Variants in RALB observed in about 807,000 individuals in gnomAD.
RALB encodes the protein ras-related protein Ral-B.
A neutral mutation model predicts 21.3 loss-of-function variants in RALB; 16 were observed. The observed-to-expected ratio is 0.75, with a 90% confidence interval of 0.51 to 1.14. The LOEUF (loss-of-function observed/expected upper bound fraction) is 1.14, where lower values mean the gene tolerates loss of function less well. Among genes scored for constraint, RALB ranks in the 50% most tolerant of loss-of-function variants. The probability of loss-of-function intolerance (pLI) is 0.00; values close to 1 mark genes in which losing one functional copy is unlikely to be tolerated. For missense variants in RALB, 161 were observed against 256.2 expected (o/e 0.63, Z 2.54); for synonymous variants, 93 against 96.1 (o/e 0.97, Z 0.19).
At chr2:120,273,561 A>G (rs1210492794) in intron 1 of RALB, among the ~76,000 whole-genome samples, 1 of 152,210 alleles carries the variant, frequency 6.6e-6, no homozygotes, top group East Asian at 1.9e-4. Context: ...CTAGTTTTAT[A>G]AAGGCCGTTT....
intron 2 of RALB, 32 bp from the exon 3 acceptor site, chr2:120,285,842 T>C (rs1690119684): frequency 6.3e-7 from 1 of 1,588,230 alleles, no homozygotes; most frequent in African/African-American, 1.3e-5. Flanking sequence ...CCTTAAGACT[T>C]TGTTAATTAC....
At chr2:120,280,053 G>T (rs1027115373) in intron 2 of RALB, among the ~76,000 whole-genome samples, 1 of 152,200 alleles carries the variant, frequency 6.6e-6, no homozygotes, top group African/African-American at 2.4e-5. Context: ...GTGATGTGAG[G>T]TGCAGGGCCA....
At chr2:120,291,872 G>C (rs1018874923) in intron 4 of RALB, among the ~76,000 whole-genome samples, 22 of 152,056 alleles carry the variant, frequency 1.4e-4, no homozygotes, top group African/African-American at 5.3e-4. Context: ...AATGCATGTG[G>C]AGCCCCACAC....
intron 1 of RALB, among the ~76,000 whole-genome samples, chr2:120,272,107 T>C (rs1007313566): frequency 7.2e-5 from 11 of 152,136 alleles, no homozygotes; most frequent in African/African-American, 2.7e-4. Context: ...ACCAGCATGG[T>C]TGGGTTCTGG....
chr2:120,269,980 C>T (rs1423833233), intron 1 of RALB, among the ~76,000 whole-genome samples: 2 of 152,050 alleles, frequency 1.3e-5, no homozygotes, highest in African/African-American at 4.8e-5. Context: ...TTTACATTTC[C>T]TTGACTACTA....
At chr2:120,285,833 C>T in intron 2 of RALB, 41 bp from the exon 3 acceptor site, 1 of 1,575,810 alleles carries the variant, frequency 6.3e-7, no homozygotes, top group Non-Finnish European at 8.7e-7. Flanking sequence ...TTTTGTTCCC[C>T]TTAAGACTTT....
chr2:120,285,187 A>T (rs546614357), intron 2 of RALB, among the ~76,000 whole-genome samples: 2 of 152,266 alleles, frequency 1.3e-5, no homozygotes, highest in Admixed American at 1.3e-4. Flanking sequence ...AGAAGTGCAG[A>T]GCGAAGTGGG....
chr2:120,278,171 G>A (rs570189349), intron 1 of RALB, among the ~76,000 whole-genome samples: 1 of 152,214 alleles, frequency 6.6e-6, no homozygotes, highest in African/African-American at 2.4e-5. Flanking sequence ...TGTGCGTGTT[G>A]TGGGGTAGAG....
intron 1 of RALB, among the ~76,000 whole-genome samples, chr2:120,275,812 A>G (rs1041466050): frequency 2.0e-5 from 3 of 152,198 alleles, no homozygotes; most frequent in Admixed American, 1.3e-4. Flanking sequence ...GAAATCAAGG[A>G]TGCAGACACA....
intron 1 of RALB, among the ~76,000 whole-genome samples, chr2:120,243,698 G>C (rs1688927123): frequency 6.6e-6 from 1 of 152,202 alleles, no homozygotes; most frequent in Non-Finnish European, 1.5e-5. Context: ...GGGTAGGGTT[G>C]TCAGATTTTG....
intron 4 of RALB, among the ~76,000 whole-genome samples, chr2:120,292,035 A>G (rs1690317224): frequency 6.6e-6 from 1 of 152,230 alleles, no homozygotes; most frequent in South Asian, 2.1e-4. Flanking sequence ...GTCTCTTCGT[A>G]GGATTCATAT....
chr2:120,258,017 C>T (rs756371322), intron 1 of RALB, among the ~76,000 whole-genome samples: 1 of 152,190 alleles, frequency 6.6e-6, no homozygotes, highest in Non-Finnish European at 1.5e-5. Flanking sequence ...TTGTTGTCTC[C>T]TTAGTCCCCA....
intron 1 of RALB, among the ~76,000 whole-genome samples, chr2:120,260,673 G>A (rs1191584746): frequency 6.6e-6 from 1 of 152,260 alleles, no homozygotes; most frequent in East Asian, 1.9e-4. Context: ...AATGTGGGCT[G>A]TGGAAGCCAG....
At chr2:120,262,461 T>C (rs1448586387) in intron 1 of RALB, among the ~76,000 whole-genome samples, 1 of 152,110 alleles carries the variant, frequency 6.6e-6, no homozygotes, top group East Asian at 1.9e-4. Flanking sequence ...ACCAGGTGGG[T>C]TAGCCATTTC....
At chr2:120,261,443 T>C (rs1689363430) in intron 1 of RALB, among the ~76,000 whole-genome samples, 1 of 152,094 alleles carries the variant, frequency 6.6e-6, no homozygotes, top group Admixed American at 6.5e-5. Context: ...GTTTGATGGC[T>C]TGGTGTTCTC....
chr2:120,243,171 G>A (rs1022240880), intron 1 of RALB, among the ~76,000 whole-genome samples: 1 of 152,326 alleles, frequency 6.6e-6, no homozygotes, highest in South Asian at 2.1e-4. Flanking sequence ...TTGGCACTCC[G>A]TCTGCCAGGG....
At chr2:120,277,728 AGT>A (rs1023012397) in intron 1 of RALB, among the ~76,000 whole-genome samples, 10 of 151,040 alleles carry the variant, frequency 6.6e-5, no homozygotes, top group South Asian at 2.1e-4. Context: ...CGTGTGTGAT[AGT>A]GTGTGAGCTT....
upstream of RALB, among the ~76,000 whole-genome samples, chr2:120,251,332 A>G (rs1348709360): frequency 6.6e-6 from 1 of 152,136 alleles, no homozygotes; most frequent in Non-Finnish European, 1.5e-5. Context: ...CACACACTTG[A>G]CTGTACATCG....
chr2:120,253,527 C>CTA, intron 1 of RALB: 1 of 985,586 alleles, frequency 1.0e-6, no homozygotes, highest in Non-Finnish European at 1.2e-6. Context: ...TGATAGGGGC[C>CTA]AGCGGCGAAG....
Sources: allele counts gnomAD v4.1 joint callset (sites outside exome capture counted in the v4.1 genomes callset), GRCh38; gene constraint gnomAD v4.1.1; transcripts MANE v1.5; gene names NCBI Gene and HGNC (gene_info 2026-07-23, HGNC 2026-07-21).